The following JAZF1 variants were observed in gnomAD, a reference collection of about 807,000 sequenced individuals.
JAZF1 encodes JAZF zinc finger 1, also known as juxtaposed with another zinc finger protein 1.
A neutral mutation model predicts 26.4 loss-of-function variants in JAZF1; 8 were observed. The ratio of observed to expected loss-of-function variants is 0.30; its 90% confidence interval spans 0.18 to 0.55. JAZF1 has a LOEUF of 0.55. JAZF1 is among the 20% of genes least tolerant of loss of function. The pLI is 0.94. For synonymous variants in JAZF1, 126 were observed against 122.3 expected, an observed-to-expected ratio of 1.03 and a Z score of -0.20; for missense variants, 199 against 322.0, an observed-to-expected ratio of 0.62 and a Z score of 2.92.
chr7:28,175,276 GT>G (rs1405902084), intron 1 of JAZF1, among the ~76,000 whole-genome samples: 1 of 152,144 alleles, frequency 6.6e-6, no homozygotes, highest in Non-Finnish European at 1.5e-5. Context: ...TCCATTCTCA[GT>G]CCTTCCCAGG....
intron 1 of JAZF1, among the ~76,000 whole-genome samples, chr7:28,043,209 C>A (rs1477786874): frequency 2.0e-5 from 3 of 152,116 alleles, no homozygotes; most frequent in African/African-American, 7.2e-5. Context: ...AACTGGCGAG[C>A]CAATGGCCTT....
chr7:27,870,210 C>A (rs1269058455), intron 3 of JAZF1, among the ~76,000 whole-genome samples: 1 of 151,676 alleles, frequency 6.6e-6, no homozygotes, highest in African/African-American at 2.4e-5. Context: ...CAGGCGTGAG[C>A]CACCATGCCT....
intron 1 of JAZF1, among the ~76,000 whole-genome samples, chr7:28,161,434 T>A (rs1183003589): frequency 6.6e-6 from 1 of 152,114 alleles, no homozygotes; most frequent in Admixed American, 6.6e-5. Context: ...TTGAAGTGAC[T>A]AGTCAAGGTC....
intron 3 of JAZF1, among the ~76,000 whole-genome samples, chr7:27,883,173 T>TAA (rs1783800674): frequency 6.6e-6 from 1 of 152,194 alleles, no homozygotes; most frequent in Non-Finnish European, 1.5e-5. Flanking sequence ...AGCACAGTCT[T>TAA]AATGTGTGCT....
At chr7:28,167,936 C>A (rs1783393735) in intron 1 of JAZF1, among the ~76,000 whole-genome samples, 1 of 152,170 alleles carries the variant, frequency 6.6e-6, no homozygotes, top group Admixed American at 6.5e-5. Flanking sequence ...CAATGGTATA[C>A]AAGGTTTACT....
intron 2 of JAZF1, among the ~76,000 whole-genome samples, chr7:27,951,242 T>C (rs1160061400): frequency 6.6e-6 from 1 of 152,172 alleles, no homozygotes; most frequent in African/African-American, 2.4e-5. Flanking sequence ...AACTTCCCTG[T>C]AGGAATGCTA....
At chr7:27,866,507 G>A (rs1783475935) in intron 3 of JAZF1, among the ~76,000 whole-genome samples, 1 of 152,158 alleles carries the variant, frequency 6.6e-6, no homozygotes, top group Non-Finnish European at 1.5e-5. Context: ...ACCTCACAGG[G>A]CTGTGGTGAA....
At position 28,064,351 on chromosome 7, in the gene JAZF1, C is replaced by T. The variant is rs576520533; in HGVS notation, c.116-72370G>A. On this transcript the variant is annotated intron_variant, in intron 1 of 4. Transcript: ENST00000283928. ...AAACTATGTAAAAATCGTATATAAG[C>T]AAATGCTTTTTCAATTTTTATTCCA... Among the ~76,000 whole-genome samples, 5 of 152,062 alleles carry T rather than the reference C, an allele frequency of 3.3e-5. No homozygotes were observed. The South Asian group carries it at 1.0e-3, about 32-fold the overall frequency.
At chr7:28,044,595 A>G (rs1042742233) in intron 1 of JAZF1, among the ~76,000 whole-genome samples, 2 of 152,272 alleles carry the variant, frequency 1.3e-5, no homozygotes, top group African/African-American at 4.8e-5. Context: ...GTTACAAAGA[A>G]AGCTAATAAC....
At chr7:28,123,079 G>A (rs1782630831) in intron 1 of JAZF1, among the ~76,000 whole-genome samples, 1 of 152,064 alleles carries the variant, frequency 6.6e-6, no homozygotes, top group African/African-American at 2.4e-5. Context: ...AGACTTTCCA[G>A]CTACGTCACC....
At chr7:27,886,760 A>G (rs1057358612) in intron 3 of JAZF1, among the ~76,000 whole-genome samples, 2 of 152,230 alleles carry the variant, frequency 1.3e-5, no homozygotes, top group South Asian at 2.1e-4. Context: ...TGTATCCCCA[A>G]TACTTGGCAC....
intron 1 of JAZF1, among the ~76,000 whole-genome samples, chr7:28,176,144 C>T (rs1360883786): frequency 6.6e-6 from 1 of 152,194 alleles, no homozygotes. Context: ...TGTTGATATT[C>T]GGGGTCAGGA....
At chr7:27,868,550 T>C (rs1240687417) in intron 3 of JAZF1, among the ~76,000 whole-genome samples, 1 of 152,188 alleles carries the variant, frequency 6.6e-6, no homozygotes, top group African/African-American at 2.4e-5. Context: ...CCAGCCTATC[T>C]AGGTGACAAA....
At chr7:27,935,142 G>A (rs186049608) in intron 2 of JAZF1, among the ~76,000 whole-genome samples, 10 of 152,122 alleles carry the variant, frequency 6.6e-5, no homozygotes, top group Admixed American at 3.9e-4. Context: ...AATCAAAATC[G>A]CAACGAGATT....
At chr7:28,149,688 C>A in intron 1 of JAZF1, among the ~76,000 whole-genome samples, 1 of 152,208 alleles carries the variant, frequency 6.6e-6, no homozygotes, top group East Asian at 1.9e-4. Flanking sequence ...CAATTTGAAT[C>A]AGTGGGGGGA....
chr7:27,836,905 C>T (rs562493144), intron 4 of JAZF1, among the ~76,000 whole-genome samples: 14 of 152,306 alleles, frequency 9.2e-5, no homozygotes, highest in African/African-American at 3.4e-4. Flanking sequence ...AGAACAGACA[C>T]TATCACTGTT....
intron 1 of JAZF1, among the ~76,000 whole-genome samples, chr7:28,062,327 G>A (rs1229004385): frequency 2.0e-5 from 3 of 152,068 alleles, no homozygotes; most frequent in African/African-American, 7.2e-5. Context: ...AGAGGGCGCC[G>A]CAGGGACACT....
chr7:27,898,493 C>T (rs999092513), intron 2 of JAZF1, among the ~76,000 whole-genome samples: 72 of 151,868 alleles, frequency 4.7e-4, no homozygotes, highest in African/African-American at 1.7e-3. Flanking sequence ...TTAGTAGAGA[C>T]AAGGTTTCAC....
At chr7:28,071,979 T>C (rs1783984821) in intron 1 of JAZF1, among the ~76,000 whole-genome samples, 1 of 152,254 alleles carries the variant, frequency 6.6e-6, no homozygotes, top group South Asian at 2.1e-4. Flanking sequence ...AAGAAATTCA[T>C]GATGTTGTAA....
Sources: allele counts gnomAD v4.1 joint callset (sites outside exome capture counted in the v4.1 genomes callset), GRCh38; gene constraint gnomAD v4.1.1; transcripts MANE v1.5; gene names NCBI Gene and HGNC (gene_info 2026-07-23, HGNC 2026-07-21).